The following SEL1L3 variants were observed in gnomAD, a reference collection of about 807,000 sequenced individuals.
SEL1L3 encodes protein sel-1 homolog 3.
A neutral mutation model predicts 142.8 loss-of-function variants in SEL1L3; 76 were observed. The ratio of observed to expected loss-of-function variants is 0.53; its 90% CI spans 0.44 to 0.64. The LOEUF (loss-of-function observed/expected upper bound fraction) is 0.64, where lower values mean the gene tolerates loss of function less well. Among genes scored for constraint, SEL1L3 ranks in the 30% least tolerant of loss-of-function variants. SEL1L3 has a pLI of 0.00. For missense variants in SEL1L3, 1,262 were observed against 1,381.7 expected (o/e 0.91, Z 1.37); for synonymous variants, 504 against 519.6 (o/e 0.97, Z 0.41).
chr4:25,828,622 G>A (rs1048791594), intron 6 of SEL1L3, among the ~76,000 whole-genome samples: 9 of 152,070 alleles, frequency 5.9e-5, no homozygotes, highest in Admixed American at 3.3e-4. Flanking sequence ...CTTGCCTCAT[G>A]TGATTCACCC....
Position 25,804,803 on chromosome 4 carries a change from T to C in SEL1L3, c.1565-51A>G, listed in dbSNP as rs553677774. On this transcript the variant is annotated intron_variant, in intron 9 of 23. Transcript: ENST00000399878. ...ACACAATTAATTACCATGGGATCGA[T>C]GTGGCTTTAGAAAAAGAGGAAAAGC... 20 of 1,358,236 alleles carry C rather than the reference T, an allele frequency of 1.5e-5. No individual in the cohort carries two copies. The African/African-American group carries it at 1.7e-4, about 12-fold the overall frequency. The allele number at this position is 1,358,236 out of a possible 1,614,324, so 84.1% of individuals were successfully genotyped here.
At chr4:25,760,603 T>C (rs1203541309) in intron 20 of SEL1L3, among the ~76,000 whole-genome samples, 2 of 152,204 alleles carry the variant, frequency 1.3e-5, no homozygotes. Flanking sequence ...TGGTGTGAGA[T>C]GGTGCCTCAC....
In SEL1L3 at chr4:25,776,337, T is replaced by C; in HGVS notation, c.2609A>G (p.Lys870Arg). Residue 870 changes from lysine to arginine, a missense_variant, in exon 17 of 24, where the codon AAA becomes AGA. This residue lies in a region of SEL1L3 where 435 missense variants were observed against 559.2 expected (regional missense o/e 0.78). Transcript: ENST00000399878. Reference sequence around the variant, plus strand: ...GATGACATGGCCCAAGTAGCCATTTTTCTCAGCTACATGTTTTGCCCATCT... The same window carrying C: ...GATGACATGGCCCAAGTAGCCATTTCTCTCAGCTACATGTTTTGCCCATCT... ...AVVWAKHVAE[K>R]NGYLGHVIRK... 1 of 1,613,188 alleles carries C rather than the reference T, an allele frequency of 6.2e-7. No homozygotes were observed. The highest frequency in any genetic ancestry group is 1.1e-5 in the South Asian group (1 of 91,044).
chr4:25,756,679 T>C (rs994040262), intron 23 of SEL1L3: 9 of 1,090,392 alleles, frequency 8.3e-6, no homozygotes, highest in Non-Finnish European at 1.0e-5. Flanking sequence ...AACTATTCTA[T>C]ACTGGCTCAG....
chr4:25,815,718 A>G (rs532828649), intron 9 of SEL1L3, among the ~76,000 whole-genome samples: 1 of 152,040 alleles, frequency 6.6e-6, no homozygotes. Context: ...CCAGACAACC[A>G]TCCAACGGAA....
At chr4:25,797,211 T>C (rs1712833048) in intron 11 of SEL1L3, among the ~76,000 whole-genome samples, 1 of 148,510 alleles carries the variant, frequency 6.7e-6, no homozygotes, top group African/African-American at 2.5e-5. Flanking sequence ...AAAAACCCTC[T>C]AGTTGTTGCA....
chr4:25,806,754 C>G (rs1414739995), intron 9 of SEL1L3, among the ~76,000 whole-genome samples: 1 of 152,104 alleles, frequency 6.6e-6, no homozygotes, highest in East Asian at 1.9e-4. Flanking sequence ...TCCCAAGTAC[C>G]TGGCACAGGA....
chr4:25,853,312 C>T (rs888591612), intron 1 of SEL1L3, among the ~76,000 whole-genome samples: 5 of 152,188 alleles, frequency 3.3e-5, no homozygotes, highest in Non-Finnish European at 7.3e-5. Context: ...GCCGTCCCTT[C>T]AAATTCTGTT....
At chr4:25,778,631 G>A (rs1719797198) in intron 16 of SEL1L3, among the ~76,000 whole-genome samples, 1 of 152,166 alleles carries the variant, frequency 6.6e-6, no homozygotes, top group Non-Finnish European at 1.5e-5. Flanking sequence ...GGAAGTATGA[G>A]TGAGCTGAGT....
At chr4:25,802,606 G>A (rs1713260923) in intron 10 of SEL1L3, 144 bp from the exon 11 acceptor site, 1 of 714,312 alleles carries the variant, frequency 1.4e-6, no homozygotes, top group Non-Finnish European at 2.3e-6. Context: ...TTTTGAGACG[G>A]AGCCTTGGCC....
chr4:25,775,142 A>C (rs1465055582), intron 17 of SEL1L3, among the ~76,000 whole-genome samples: 1 of 152,182 alleles, frequency 6.6e-6, no homozygotes, highest in Non-Finnish European at 1.5e-5. Context: ...AAACAAGATA[A>C]AGCATCACAA....
intron 9 of SEL1L3, among the ~76,000 whole-genome samples, chr4:25,808,295 A>T (rs1398027947): frequency 1.3e-5 from 2 of 152,226 alleles, no homozygotes; most frequent in African/African-American, 4.8e-5. Context: ...CCCAAAGCTA[A>T]GGAACAAAAG....
intron 6 of SEL1L3, among the ~76,000 whole-genome samples, chr4:25,825,185 A>G (rs910662707): frequency 1.3e-5 from 2 of 152,216 alleles, no homozygotes; most frequent in African/African-American, 4.8e-5. Context: ...TCCCTAGGGC[A>G]CTGAATCGTA....
chr4:25,772,279 T>C (rs1719279550), intron 17 of SEL1L3, among the ~76,000 whole-genome samples: 1 of 152,188 alleles, frequency 6.6e-6, no homozygotes, highest in South Asian at 2.1e-4. Context: ...TTCCTGTTGA[T>C]ACTAAGAGGT....
intron 6 of SEL1L3, 91 bp from the exon 7 acceptor site, chr4:25,822,219 C>A: frequency 1.4e-6 from 2 of 1,476,618 alleles, no homozygotes; most frequent in African/African-American, 1.4e-5. Context: ...TTGACTTAAC[C>A]CAAATTGCCC....
In SEL1L3 at chr4:25,842,666, G is replaced by C. The variant is rs553581636; in HGVS notation, c.733+4628C>G. Reference sequence around the variant, plus strand: ...CATGTGGCAACACAGCCCTGCAAGGGTATCAGTGTGTGATGTTCACAAACT... The same window carrying C: ...CATGTGGCAACACAGCCCTGCAAGGCTATCAGTGTGTGATGTTCACAAACT... On this transcript the variant is annotated intron_variant, in intron 2 of 23. Transcript: ENST00000399878. Among the ~76,000 whole-genome samples, 149 of 152,318 alleles carry C rather than the reference G, an allele frequency of 9.8e-4. 4 individuals carry two copies. The South Asian group carries it at 0.024, about 25-fold the overall frequency.
At chr4:25,853,128 T>G (rs1047891834) in intron 1 of SEL1L3, among the ~76,000 whole-genome samples, 8 of 152,150 alleles carry the variant, frequency 5.3e-5, no homozygotes, top group African/African-American at 1.9e-4. Flanking sequence ...GTAATCCCAG[T>G]GCTTTGGGAG....
intron 9 of SEL1L3, among the ~76,000 whole-genome samples, chr4:25,810,493 G>C (rs1713948117): frequency 6.6e-6 from 1 of 152,160 alleles, no homozygotes. Context: ...GAAAGTAAAA[G>C]AAGGAAATGG....
chr4:25,722,005 CAG>C, the SEL1L3 span, among the ~76,000 whole-genome samples: 2 of 152,226 alleles, frequency 1.3e-5, no homozygotes, highest in South Asian at 2.1e-4. Context: ...TAACAAAAGA[CAG>C]GGGAATGGGA....
Sources: gnomAD v4.1 joint callset for allele counts (sites outside exome capture counted in the v4.1 genomes callset) on GRCh38, gnomAD v4.1.1 for gene constraint, gnomAD v4.1.1 regional missense constraint, MANE v1.5 for transcripts, NCBI Gene and HGNC (gene_info 2026-07-23, HGNC 2026-07-21) for gene names.